Variants in WFDC9 observed in about 807,000 individuals in gnomAD.
WFDC9 encodes protein WFDC9.
A neutral mutation model predicts 9.5 loss-of-function variants in WFDC9; 9 were observed. The observed-to-expected ratio is 0.95, with a 90% CI of 0.57 to 1.65. The LOEUF is 1.65. WFDC9 is among the 40% of genes most tolerant of loss of function. WFDC9 has a pLI of 0.00. For synonymous variants in WFDC9, 33 were observed against 32.3 expected, an observed-to-expected ratio of 1.02 and a Z score of -0.07; for missense variants, 87 against 106.7, an observed-to-expected ratio of 0.82 and a Z score of 0.81.
At chr20:45,611,690 A>C (rs1288883084) in intron 2 of WFDC9, among the ~76,000 whole-genome samples, 4 of 152,134 alleles carry the variant, frequency 2.6e-5, no homozygotes, top group Admixed American at 6.5e-5. Context: ...GCTTTGGTAC[A>C]TATATTGTTA....
intron 1 of WFDC9, among the ~76,000 whole-genome samples, chr20:45,628,763 T>A (rs1600925341): frequency 6.6e-6 from 1 of 151,764 alleles, no homozygotes; most frequent in East Asian, 1.9e-4. Context: ...ACTGAAGGAG[T>A]CTGCATTAGG....
intron 3 of WFDC9, among the ~76,000 whole-genome samples, chr20:45,609,061 A>G (rs968409036): frequency 6.6e-6 from 1 of 152,152 alleles, no homozygotes; most frequent in African/African-American, 2.4e-5. Context: ...CACCCTGACC[A>G]TATATGACAC....
chr20:45,608,284 A>G, intron 4 of WFDC9, 144 bp from the exon 5 acceptor site: 2 of 1,000,474 alleles, frequency 2.0e-6, no homozygotes, highest in Non-Finnish European at 3.0e-6. Context: ...ATTTCCCCCA[A>G]GAAGTTTGCC....
intron 2 of WFDC9, among the ~76,000 whole-genome samples, chr20:45,612,293 CA>C (rs1772785044): frequency 3.3e-5 from 5 of 151,458 alleles, no homozygotes; most frequent in Admixed American, 3.3e-4. Context: ...TGGAGGGAGA[CA>C]GGGGGAGTTC....
rs1050870051 is a variant in WFDC9, at chr20:45,618,050, G to C, written c.-152-3329C>G. On this transcript the variant is annotated intron_variant, in intron 1 of 4. Coordinates refer to ENST00000326000, the MANE Select transcript of WFDC9 (RefSeq NM_147198.4). ...TTGTTAAAGGGCCAACAGTATCTTA[G>C]CTAGATCTTCTGGATAACTTGCTGT... 5.9e-5 allele frequency among the ~76,000 whole-genome samples: 9 copies of C among 152,312 alleles called. No individual in the cohort carries two copies. The East Asian group carries it at 1.7e-3, about 29-fold the overall frequency.
intron 2 of WFDC9, 50 bp downstream of exon 2, chr20:45,614,578 A>C (rs1480255554): frequency 6.6e-6 from 1 of 152,184 alleles, no homozygotes; most frequent in Non-Finnish European, 1.5e-5. Flanking sequence ...AATTAATCCA[A>C]GCAAGCCACA....
intron 1 of WFDC9, among the ~76,000 whole-genome samples, chr20:45,628,035 C>T (rs755397907): frequency 9.2e-5 from 14 of 152,082 alleles, no homozygotes; most frequent in Non-Finnish European, 1.9e-4. Context: ...AAATTTACTA[C>T]TCTATCAATA....
intron 1 of WFDC9, among the ~76,000 whole-genome samples, chr20:45,630,314 C>G (rs953824919): frequency 6.6e-6 from 1 of 151,228 alleles, no homozygotes; most frequent in Non-Finnish European, 1.5e-5. Context: ...GGAAATAGGA[C>G]ATAAGACAAG....
chr20:45,617,197 C>T (rs2145597931), intron 1 of WFDC9, among the ~76,000 whole-genome samples: 1 of 152,368 alleles, frequency 6.6e-6, no homozygotes, highest in East Asian at 1.9e-4. Flanking sequence ...TGGCTCACGC[C>T]TGTAATCCCA....
At chr20:45,619,795 C>T (rs958234036) in intron 1 of WFDC9, among the ~76,000 whole-genome samples, 2 of 152,064 alleles carry the variant, frequency 1.3e-5, no homozygotes, top group African/African-American at 4.8e-5. Context: ...GAGGCTGAAG[C>T]GGGTGGATTA....
At chr20:45,619,862 C>A (rs1201784035) in intron 1 of WFDC9, among the ~76,000 whole-genome samples, 1 of 151,942 alleles carries the variant, frequency 6.6e-6, no homozygotes, top group East Asian at 1.9e-4. Flanking sequence ...TCGTCTCTAC[C>A]AAAAATACGA....
chr20:45,610,239 A>G lies in WFDC9; in HGVS notation c.-58T>C. 1.4e-6 allele frequency: 2 copies of G among 1,443,320 alleles called. No homozygotes were observed. Among genetic ancestry groups the G allele is most frequent in the Non-Finnish European group, 1.9e-6 (2 of 1,031,998 alleles). 89.4% of individuals were successfully genotyped at this position (1,443,320 alleles called of 1,614,324 possible). On this transcript the variant is annotated splice_region_variant and 5_prime_UTR_variant, in exon 3 of 5. Coordinates refer to ENST00000326000, the MANE Select transcript of WFDC9 (RefSeq NM_147198.4). ...GGCAGAAGGCAAGTCTTTTCCCAAT[A>G]CTGCTAGACGTAGAAAATGGATTGA... is the stretch of plus-strand genomic sequence containing the variant.
chr20:45,625,956 G>A (rs1298783933), intron 1 of WFDC9, among the ~76,000 whole-genome samples: 1 of 151,492 alleles, frequency 6.6e-6, no homozygotes, highest in East Asian at 1.9e-4. Context: ...AGAGTAGCTG[G>A]GACTACAGGT....
intron 1 of WFDC9, among the ~76,000 whole-genome samples, chr20:45,622,840 C>T (rs6104250): frequency 0.17 from 26,594 of 152,090 alleles, 2,502 homozygotes; most frequent in East Asian, 0.32. Flanking sequence ...AGAAACATTT[C>T]ATGTAAATGT....
intron 1 of WFDC9, among the ~76,000 whole-genome samples, chr20:45,624,084 C>T (rs1296255396): frequency 2.0e-5 from 3 of 152,024 alleles, no homozygotes; most frequent in Non-Finnish European, 4.4e-5. Flanking sequence ...CCCAGCTACT[C>T]AGGAGGCTGA....
chr20:45,613,899 G>A (rs780792125), intron 2 of WFDC9, among the ~76,000 whole-genome samples: 23 of 152,204 alleles, frequency 1.5e-4, no homozygotes, highest in Non-Finnish European at 1.8e-4. Context: ...GATGAGGTAA[G>A]TGGGTGAAAG....
chr20:45,631,110 A>G, intron 1 of WFDC9, 93 bp downstream of exon 1: 1 of 1,415,850 alleles, frequency 7.1e-7, no homozygotes, highest in Non-Finnish European at 9.4e-7. Context: ...TCAAGTCACC[A>G]GCATAAGAAC....
chr20:45,608,626 T>C lies in WFDC9; in HGVS notation c.239+37A>G, dbSNP rs372051085. On this transcript the variant is annotated intron_variant, in intron 4 of 4. Transcript: ENST00000326000. ...GTCGGTAAGGACCAGTGATGAAGCATGCCCAGGCCCTAGCCTTCCCACCCC... is the reference window on the plus strand; with the variant it reads ...GTCGGTAAGGACCAGTGATGAAGCACGCCCAGGCCCTAGCCTTCCCACCCC... The C allele has an allele frequency of 1.3e-5, 20 of 1,591,772 alleles. 1 individual carries two copies. The highest frequency in any genetic ancestry group is 3.4e-4 in the Middle Eastern group (2 of 5,944).
chr20:45,629,632 C>T (rs1160068831), intron 1 of WFDC9: 2 of 607,872 alleles, frequency 3.3e-6, no homozygotes, highest in African/African-American at 1.9e-5. Flanking sequence ...ACATGACGAA[C>T]GACAAGGCCA....
Sources: gnomAD v4.1 joint callset for allele counts (sites outside exome capture counted in the v4.1 genomes callset) on GRCh38, gnomAD v4.1.1 for gene constraint, MANE v1.5 for transcripts, NCBI Gene and HGNC (gene_info 2026-07-23, HGNC 2026-07-21) for gene names.